FBXO38: variants seen among roughly 807,000 people sequenced by gnomAD.
The protein encoded by FBXO38 is F-box protein 38, also known as F-box only protein 38.
Under a neutral mutation model 131.9 loss-of-function variants are expected in FBXO38, and 53 were observed. The observed-to-expected ratio is 0.40, with a 90% CI of 0.32 to 0.51. FBXO38 has a LOEUF of 0.51. Ranked by LOEUF, FBXO38 falls within the 20% of genes least tolerant of loss-of-function variation. The pLI, the probability that FBXO38 is intolerant of heterozygous loss-of-function variation, is 0.53. For missense variants in FBXO38, 1,076 were observed against 1,475.6 expected (o/e 0.73, Z 4.44); for synonymous variants, 452 against 505.6 (o/e 0.89, Z 1.42).
chr5:148,401,391 G>A (rs1340997375), intron 3 of FBXO38, among the ~76,000 whole-genome samples: 1 of 152,084 alleles, frequency 6.6e-6, no homozygotes, highest in Non-Finnish European at 1.5e-5. Flanking sequence ...TAGCTAACTT[G>A]CATCTGTCTT....
chr5:148,390,681 T>C (rs1758151977), intron 1 of FBXO38, among the ~76,000 whole-genome samples: 1 of 152,172 alleles, frequency 6.6e-6, no homozygotes, highest in Non-Finnish European at 1.5e-5. Context: ...TGTGAGTAAA[T>C]ATTTGTTAAC....
intron 6 of FBXO38, among the ~76,000 whole-genome samples, chr5:148,405,905 G>A (rs1399342142): frequency 6.6e-6 from 1 of 152,154 alleles, no homozygotes; most frequent in Non-Finnish European, 1.5e-5. Flanking sequence ...AGTAGCTAAT[G>A]CAACACTGGT....
Position 148,441,143 on chromosome 5 carries a change from A to G in FBXO38, c.3294A>G (p.Pro1098=). The G allele has an allele frequency of 1.9e-6, 3 of 1,613,972 alleles. No individual in the cohort carries two copies. Among genetic ancestry groups the G allele is most frequent in the Non-Finnish European group, 2.5e-6 (3 of 1,179,828 alleles). ...YTLEGVVDGA[P]YSMISDFPWL... Reference sequence around the variant, plus strand: ...TTTTAGGTGTTGTGGATGGAGCTCCATATTCCATGATTTCTGACTTCCCTT... The same window carrying G: ...TTTTAGGTGTTGTGGATGGAGCTCCGTATTCCATGATTTCTGACTTCCCTT... Residue 1098 remains proline, a synonymous_variant, in exon 21 of 22, where the codon CCA becomes CCG. Transcript: ENST00000340253.
In FBXO38 at chr5:148,394,807, T is replaced by C; in HGVS notation, c.31T>C (p.Cys11Arg). ...GCCACGAAAGAAAAGTGTGAAAACA[T>C]GTATCATGAATAATGAAATTCCAGA... Reference protein sequence around the residue: MGPRKKSVKTCIMNNEIPEEM... With the variant: MGPRKKSVKTRIMNNEIPEEM... The change falls in exon 2 of 22, where the codon TGT (cysteine) becomes CGT (arginine). Residue 11 changes from cysteine to arginine, a missense_variant. Transcript: ENST00000340253. 1 of 1,595,624 alleles carries C rather than the reference T, an allele frequency of 6.3e-7. No homozygotes were observed. The highest frequency in any genetic ancestry group is 8.5e-7 in the Non-Finnish European group (1 of 1,171,564).
intron 7 of FBXO38, among the ~76,000 whole-genome samples, chr5:148,406,712 G>A (rs912363748): frequency 2.0e-5 from 3 of 152,010 alleles, no homozygotes; most frequent in Admixed American, 6.6e-5. Flanking sequence ...GATTTCTAGC[G>A]TTCTTTGGTG....
intron 1 of FBXO38, among the ~76,000 whole-genome samples, chr5:148,390,750 A>G (rs1758156443): frequency 6.6e-6 from 1 of 152,192 alleles, no homozygotes. Context: ...TATTTAGTCT[A>G]AAAATTTACG....
chr5:148,392,776 G>C (rs964208788), intron 1 of FBXO38, among the ~76,000 whole-genome samples: 5 of 152,112 alleles, frequency 3.3e-5, no homozygotes, highest in African/African-American at 1.2e-4. Flanking sequence ...GGTTTCAAAG[G>C]AGTGGTCAGC....
Position 148,427,472 on chromosome 5 carries a change from C to A in FBXO38, c.2178C>A (p.Asp726Glu), listed in dbSNP as rs765282902. 1.2e-6 allele frequency: 2 copies of A among 1,614,238 alleles called. No individual in the cohort carries two copies. Among genetic ancestry groups the A allele is most frequent in the Non-Finnish European group, 1.7e-6 (2 of 1,180,048 alleles). The change falls in exon 15 of 22, where the codon GAC (aspartate) becomes GAA (glutamate). Residue 726 changes from aspartate (D) to glutamate (E), a missense_variant. This residue lies in a region of FBXO38 where 213 missense variants were observed against 225.2 expected (regional missense o/e 0.95). Transcript: ENST00000340253. ...ACAACACTGCTTCTCAAAGCCCCGA[C>A]TTTGTAAGGACGGTGAACAGCGGCG... Reference protein sequence around the residue: ...SSHNTASQSPDFVRTVNSGGS... With the variant: ...SSHNTASQSPEFVRTVNSGGS...
intron 10 of FBXO38, among the ~76,000 whole-genome samples, chr5:148,414,890 C>G (rs191875374): frequency 6.6e-6 from 1 of 151,988 alleles, no homozygotes; most frequent in Non-Finnish European, 1.5e-5. Context: ...TCTTAGATAC[C>G]GAAATTTACA....
chr5:148,420,429 C>T (rs1159086277), intron 12 of FBXO38, among the ~76,000 whole-genome samples: 3 of 152,026 alleles, frequency 2.0e-5, no homozygotes, highest in African/African-American at 4.8e-5. Flanking sequence ...CTGTGCCCCA[C>T]AATGTTGCTG....
intron 10 of FBXO38, 100 bp from the exon 11 acceptor site, chr5:148,415,826 TAA>T: frequency 8.0e-7 from 1 of 1,255,166 alleles, no homozygotes; most frequent in Non-Finnish European, 1.1e-6. Flanking sequence ...AAAGTTATTT[TAA>T]AAAAAAGGAT....
intron 14 of FBXO38, among the ~76,000 whole-genome samples, chr5:148,426,982 A>T (rs1753743979): frequency 6.6e-6 from 1 of 152,170 alleles, no homozygotes; most frequent in Non-Finnish European, 1.5e-5. Context: ...ATGGTTTGGA[A>T]TCAGATCATA....
At position 148,425,833 on chromosome 5, in the gene FBXO38, C is replaced by T. The variant is rs182668358; in HGVS notation, c.1918+132C>T. On this transcript the variant is annotated intron_variant, in intron 14 of 21. Coordinates refer to ENST00000340253, the MANE Select transcript of FBXO38 (RefSeq NM_205836.3). ...TGACAGGAAGCAAGAAATGCACTTG[C>T]CCAAGTAAGGGAAATCTGGGTGGTG... The T allele has an allele frequency of 5.4e-3, 4,027 of 744,388 alleles. 20 individuals carry two copies. Among genetic ancestry groups the T allele is most frequent in the South Asian group, 8.3e-3 (437 of 52,928 alleles). The allele number at this position is 744,388 out of a possible 1,614,324, so 46.1% of individuals were successfully genotyped here.
Position 148,425,630 on chromosome 5 carries a change from A to G in FBXO38, c.1847A>G (p.Lys616Arg), listed in dbSNP as rs775938916. Residue 616 changes from lysine to arginine, a missense_variant, in exon 14 of 22, where the codon AAG (lysine) becomes AGG (arginine). Transcript: ENST00000340253. ...SLELQEVWIP[K>R]NGTRRYSERE... is the part of the protein sequence containing the mutation. ...GAACTCCAAGAAGTCTGGATTCCTAAGAACGGTACTCGGCGTTACTCTGAA... is the reference window on the plus strand; with the variant it reads ...GAACTCCAAGAAGTCTGGATTCCTAGGAACGGTACTCGGCGTTACTCTGAA... 6.2e-7 allele frequency: 1 copy of G among 1,614,130 alleles called. No homozygotes were observed. Among genetic ancestry groups the G allele is most frequent in the South Asian group, 1.1e-5 (1 of 91,090 alleles).
chr5:148,408,325 G>C lies in FBXO38; in HGVS notation c.869-799G>C, dbSNP rs138446788. On this transcript the variant is annotated intron_variant, in intron 7 of 21. Coordinates refer to ENST00000340253, the MANE Select transcript of FBXO38 (RefSeq NM_205836.3). ...AACCACTTTGAAATACTGTTTGGTA[G>C]TATCTACTAAAGTTGGTCATACACA... 3.0e-3 allele frequency among the ~76,000 whole-genome samples: 453 copies of C among 152,342 alleles called. 4 individuals are homozygous for C. The highest frequency in any genetic ancestry group is 9.9e-3 in the African/African-American group (411 of 41,570).
Position 148,423,883 on chromosome 5 carries a change from G to A in FBXO38, c.1619-115G>A, listed in dbSNP as rs114696037. ...TATGCAGTATATGCTGTTCTTTCAGGGCAGGCCTAGTAATCAGCGGGACTG... is the reference window on the plus strand; with the variant it reads ...TATGCAGTATATGCTGTTCTTTCAGAGCAGGCCTAGTAATCAGCGGGACTG... On this transcript the variant is annotated intron_variant, in intron 12 of 21. Transcript: ENST00000340253. 24,851 of 840,964 alleles carry A rather than the reference G, an allele frequency of 0.03. 468 individuals are homozygous for A. Among genetic ancestry groups the A allele is most frequent in the South Asian group, 0.061 (3,472 of 57,384 alleles). 52.1% of individuals were successfully genotyped at this position (840,964 alleles called of 1,614,324 possible).
At chr5:148,417,901 C>G (rs1753154634) in intron 12 of FBXO38, among the ~76,000 whole-genome samples, 1 of 152,080 alleles carries the variant, frequency 6.6e-6, no homozygotes, top group Admixed American at 6.6e-5. Context: ...TTTTGTTGTT[C>G]CCCATTTGCC....
In FBXO38 at chr5:148,427,680, C is replaced by T. The variant is rs1184035899; in HGVS notation, c.2386C>T (p.Arg796Cys). Reference sequence around the variant, plus strand: ...AACTAGCAGGTGTTCTGATGAGGAACGTCCTTCAACCAGCCGAGCCTGTGT... The same window carrying T: ...AACTAGCAGGTGTTCTGATGAGGAATGTCCTTCAACCAGCCGAGCCTGTGT... ...RRTSRCSDEE[R>C]PSTSRACVVN... The change falls in exon 15 of 22, where the codon CGT becomes TGT. Residue 796 changes from arginine to cysteine, a missense_variant. By Grantham distance (180) the Arg-to-Cys change is radical. This residue lies in a region of FBXO38 where 213 missense variants were observed against 225.2 expected (regional missense o/e 0.95). Transcript: ENST00000340253. 8.1e-6 allele frequency: 13 copies of T among 1,614,110 alleles called. No homozygotes were observed. The highest frequency in any genetic ancestry group is 1.1e-5 in the South Asian group (1 of 91,092).
intron 11 of FBXO38, 37 bp from the exon 12 acceptor site, chr5:148,416,957 C>T: frequency 7.3e-7 from 1 of 1,377,192 alleles, no homozygotes; most frequent in Non-Finnish European, 1.0e-6. Flanking sequence ...TATACTAACC[C>T]AAATTAATAA....
Sources: gnomAD v4.1 joint callset for allele counts (sites outside exome capture counted in the v4.1 genomes callset) on GRCh38, gnomAD v4.1.1 for gene constraint, gnomAD v4.1.1 regional missense constraint, MANE v1.5 for transcripts, NCBI Gene and HGNC (gene_info 2026-07-23, HGNC 2026-07-21) for gene names.